The following SMOX variants were observed in gnomAD, a reference collection of about 807,000 sequenced individuals.
SMOX encodes the protein flavin containing amine oxidase.
Under a neutral mutation model 51.0 loss-of-function variants are expected in SMOX, and 22 were observed. The ratio of observed to expected loss-of-function variants is 0.43; its 90% CI spans 0.31 to 0.62. The LOEUF (loss-of-function observed/expected upper bound fraction) is 0.62, where lower values mean the gene tolerates loss of function less well. SMOX is among the 20% of genes least tolerant of loss of function. The pLI is 0.10. For synonymous variants in SMOX, 282 were observed against 307.8 expected, an observed-to-expected ratio of 0.92 and a Z score of 0.88; for missense variants, 566 against 777.7, an observed-to-expected ratio of 0.73 and a Z score of 3.24.
chr20:4,180,954 T>C (rs539148404), intron 3 of SMOX, among the ~76,000 whole-genome samples: 4 of 152,078 alleles, frequency 2.6e-5, no homozygotes, highest in African/African-American at 9.6e-5. Flanking sequence ...GCCCGGTAAA[T>C]GTTGAGTAAA....
Position 4,167,353 on chromosome 20 carries a change from G to A in SMOX, c.-26-7677G>A, listed in dbSNP as rs1394501482. Among the ~76,000 whole-genome samples, 1 of 152,094 alleles carries A rather than the reference G, an allele frequency of 6.6e-6. No individual in the cohort carries two copies. Among genetic ancestry groups the A allele is most frequent in the African/African-American group, 2.4e-5 (1 of 41,406 alleles). ...CCCTAGGAAAGGTGACTTCTGTACTGGTCTCTTTGGGGATCTTCCTCCCTC... is the reference window on the plus strand; with the variant it reads ...CCCTAGGAAAGGTGACTTCTGTACTAGTCTCTTTGGGGATCTTCCTCCCTC... On this transcript the variant is annotated intron_variant, in intron 1 of 6. Coordinates refer to ENST00000305958, the MANE Select transcript of SMOX (RefSeq NM_175839.3). This position sits in a 1 kb window ranked among gnomAD's most constrained non-coding sequence, Gnocchi z 4.8.
chr20:4,183,432 C>A lies in SMOX; in HGVS notation c.1370-62C>A. On this transcript the variant is annotated intron_variant, in intron 5 of 6. Coordinates refer to ENST00000305958, the MANE Select transcript of SMOX (RefSeq NM_175839.3). This position sits in a 1 kb window ranked among gnomAD's most constrained non-coding sequence, Gnocchi z 4.3. The stretch of plus-strand genomic sequence containing the variant: ...GGGTGGGGGGTTGTCCCTTTGGGGT[C>A]ATCTTCCATATGCAGCCATTTCTTA... 2.5e-6 allele frequency: 4 copies of A among 1,612,528 alleles called. 1 individual carries two copies. The highest frequency in any genetic ancestry group is 2.2e-5 in the South Asian group (2 of 90,922).
chr20:4,154,848 G>A (rs1985930088), intron 1 of SMOX, among the ~76,000 whole-genome samples: 1 of 144,694 alleles, frequency 6.9e-6, no homozygotes, highest in Non-Finnish European at 1.5e-5. Flanking sequence ...AGCTGCCGGG[G>A]TAGGGGGTGG....
intron 1 of SMOX, among the ~76,000 whole-genome samples, chr20:4,157,585 A>G (rs1356904479): frequency 6.6e-6 from 1 of 152,154 alleles, no homozygotes; most frequent in East Asian, 1.9e-4. Context: ...AGGAGGCATC[A>G]GGGACTACCT....
At position 4,177,600 on chromosome 20, in the gene SMOX, G is replaced by T; in HGVS notation, c.435+23G>T. ...GAGGTAAGGTGTGAGCAGAGTAGCT[G>T]GGCGTAAGGGCATGGGGAGACCTGG... On this transcript the variant is annotated intron_variant, in intron 3 of 6. Coordinates refer to ENST00000305958, the MANE Select transcript of SMOX (RefSeq NM_175839.3). The surrounding 1 kb of genome is among the most constrained non-coding windows in gnomAD (Gnocchi z 4.3). The T allele has an allele frequency of 1.3e-6, 2 of 1,559,400 alleles. No individual in the cohort carries two copies. Among genetic ancestry groups the T allele is most frequent in the Non-Finnish European group, 1.7e-6 (2 of 1,150,702 alleles).
intron 1 of SMOX, among the ~76,000 whole-genome samples, chr20:4,174,804 C>T (rs1162510589): frequency 5.3e-5 from 8 of 152,186 alleles, no homozygotes; most frequent in Admixed American, 5.2e-4. Flanking sequence ...TCCCTTTCTT[C>T]CTTTTCTCCT....
intron 2 of SMOX, among the ~76,000 whole-genome samples, chr20:4,176,436 G>T (rs1158266520): frequency 1.3e-5 from 2 of 152,108 alleles, no homozygotes; most frequent in Non-Finnish European, 2.9e-5. Flanking sequence ...GTTGCAAAGG[G>T]GTGTGTGTAC....
At position 4,177,268 on chromosome 20, in the gene SMOX, C is replaced by G. The variant is rs1422787446; in HGVS notation, c.209-83C>G. The G allele has an allele frequency of 3.2e-6, 4 of 1,240,622 alleles. No homozygotes were observed. The highest frequency in any genetic ancestry group is 4.5e-6 in the Non-Finnish European group (4 of 879,222). The allele number at this position is 1,240,622 out of a possible 1,614,324, so 76.9% of individuals were successfully genotyped here. A position where few individuals can be genotyped will look rare whatever the true frequency, so the allele number is the denominator to read the frequency against. The stretch of plus-strand genomic sequence containing the variant: ...CCCTGTTGTAGGGTGGAAAGACCCT[C>G]TTGGAGGAAGGAGGGGGAAGCAGTG... On this transcript the variant is annotated intron_variant, in intron 2 of 6. Transcript: ENST00000305958. This position sits in a 1 kb window ranked among gnomAD's most constrained non-coding sequence, Gnocchi z 4.3.
At chr20:4,150,902 G>A (rs1985718325) in intron 1 of SMOX, among the ~76,000 whole-genome samples, 1 of 147,052 alleles carries the variant, frequency 6.8e-6, no homozygotes, top group South Asian at 2.1e-4. Flanking sequence ...CGTGATCTTG[G>A]CTCACCGCAA....
Position 4,175,071 on chromosome 20 carries a change from T to C in SMOX, c.16T>C (p.Ser6Pro), listed in dbSNP as rs759132180. 3 of 1,614,162 alleles carry C rather than the reference T, an allele frequency of 1.9e-6. No individual in the cohort carries two copies. Among genetic ancestry groups the C allele is most frequent in the South Asian group, 1.1e-5 (1 of 91,074 alleles). Residue 6 changes from serine (S) to proline (P), a missense_variant, in exon 2 of 7, where the codon TCC becomes CCC. By Grantham distance (74) the Ser-to-Pro change is moderately conservative (BLOSUM62 -1). Transcript: ENST00000305958. MQSCESSGDSADDPLS... is the reference protein window; with the variant it reads MQSCEPSGDSADDPLS... ...CGCGGACGGTATGCAAAGTTGTGAA[T>C]CCAGTGGTGACAGTGCGGATGACCC...
chr20:4,183,635 C>T lies in SMOX; in HGVS notation c.1511C>T (p.Thr504Ile), dbSNP rs779246435. ...VEKLAKPLPYTESSKTAPMQV... is the reference protein window; with the variant it reads ...VEKLAKPLPYIESSKTAPMQV... ...AAGCTGGCCAAGCCCCTGCCGTACA[C>T]AGAGAGCTCAAAGACAGCGGTAAGC... Residue 504 changes from threonine (T) to isoleucine (I), a missense_variant, in exon 6 of 7, where the codon ACA becomes ATA. By Grantham distance (89) the Thr-to-Ile change is moderately conservative. This residue lies in a region of SMOX where 347 missense variants were observed against 481.8 expected (regional missense o/e 0.72). Coordinates refer to ENST00000305958, the MANE Select transcript of SMOX (RefSeq NM_175839.3). The surrounding 1 kb of genome is among the most constrained non-coding windows in gnomAD (Gnocchi z 4.3). 6 of 1,587,392 alleles carry T rather than the reference C, an allele frequency of 3.8e-6. No individual in the cohort carries two copies. In the African/African-American group the frequency reaches 4.0e-5, roughly 11 times the overall value.
chr20:4,168,926 TTTTATTTTA>T (rs1986701251), intron 1 of SMOX, among the ~76,000 whole-genome samples: 1 of 146,324 alleles, frequency 6.8e-6, no homozygotes. Flanking sequence ...TTTTATTTTA[TTTTATTTTA>T]TTTTATTTTA....
chr20:4,157,761 T>G (rs1986083535), intron 1 of SMOX, among the ~76,000 whole-genome samples: 1 of 151,930 alleles, frequency 6.6e-6, no homozygotes, highest in South Asian at 2.1e-4. Context: ...GGGGCCAAGT[T>G]GCGGACGTGA....
At chr20:4,151,274 G>C (rs901106128) in intron 1 of SMOX, among the ~76,000 whole-genome samples, 1 of 152,036 alleles carries the variant, frequency 6.6e-6, no homozygotes, top group African/African-American at 2.4e-5. Context: ...CCTGCCCCAA[G>C]CCAAGCCAAG....
intron 1 of SMOX, among the ~76,000 whole-genome samples, chr20:4,151,557 A>G (rs150950434): frequency 1.9e-3 from 296 of 152,136 alleles, no homozygotes; most frequent in African/African-American, 6.5e-3. Flanking sequence ...TGCCCTTTGG[A>G]CAACCTAAGC....
chr20:4,156,218 C>CT (rs1404224747), intron 1 of SMOX, among the ~76,000 whole-genome samples: 1 of 152,018 alleles, frequency 6.6e-6, no homozygotes, highest in Admixed American at 6.6e-5. Context: ...CCGTGGAAAT[C>CT]TTTTTTTTAA....
At position 4,182,936 on chromosome 20, in the gene SMOX, C is replaced by T; in HGVS notation, c.1369+88C>T. The T allele has an allele frequency of 6.8e-7, 1 of 1,477,610 alleles. No homozygotes were observed. The highest frequency in any genetic ancestry group is 9.0e-7 in the Non-Finnish European group (1 of 1,113,750). 91.5% of individuals were successfully genotyped at this position (1,477,610 alleles called of 1,614,324 possible). A position where few individuals can be genotyped will look rare whatever the true frequency, so the allele number is the denominator to read the frequency against. On this transcript the variant is annotated intron_variant, in intron 5 of 6. Coordinates refer to ENST00000305958, the MANE Select transcript of SMOX (RefSeq NM_175839.3). This position sits in a 1 kb window ranked among gnomAD's most constrained non-coding sequence, Gnocchi z 8.4. ...GGTGGACCCATGGCAGCTCTCTCCT[C>T]CCCAGACCGTGAAGCTCGGATGCTG...
At chr20:4,186,299 C>T (rs1256328238) in intron 6 of SMOX, among the ~76,000 whole-genome samples, 2 of 152,164 alleles carry the variant, frequency 1.3e-5, no homozygotes, top group Non-Finnish European at 2.9e-5. Flanking sequence ...TAGAGTGAGA[C>T]ACTGTCTCAA....
intron 1 of SMOX, among the ~76,000 whole-genome samples, chr20:4,173,030 C>T (rs1978539210): frequency 6.6e-6 from 1 of 152,180 alleles, no homozygotes; most frequent in South Asian, 2.1e-4. Context: ...AGAAGAAAGT[C>T]AGTGTGGCAG....
Sources: allele counts gnomAD v4.1 joint callset (sites outside exome capture counted in the v4.1 genomes callset), GRCh38; gene constraint gnomAD v4.1.1; regional missense constraint gnomAD v4.1.1; non-coding constraint Gnocchi (gnomAD v3.1); transcripts MANE v1.5; gene names NCBI Gene and HGNC (gene_info 2026-07-23, HGNC 2026-07-21).